The following ANKS1B variants were observed in gnomAD, a reference collection of about 807,000 sequenced individuals.
The protein encoded by ANKS1B is ankyrin repeat and sterile alpha motif domain-containing protein 1B.
Under a neutral mutation model 148.3 loss-of-function variants are expected in ANKS1B, and 36 were observed. The observed-to-expected ratio is 0.24, with a 90% CI of 0.19 to 0.32. ANKS1B has a LOEUF of 0.32. ANKS1B is among the 10% of genes least tolerant of loss of function. The pLI is 1.00. For synonymous variants in ANKS1B, 542 were observed against 560.8 expected, an observed-to-expected ratio of 0.97 and a Z score of 0.47; for missense variants, 1,157 against 1,542.6, an observed-to-expected ratio of 0.75 and a Z score of 4.19.
chr12:99,058,968 A>C (rs2041365885), intron 16 of ANKS1B, among the ~76,000 whole-genome samples: 1 of 151,156 alleles, frequency 6.6e-6, no homozygotes, highest in African/African-American at 2.4e-5. Context: ...CGATCTCCTG[A>C]CCTCGTGATC....
At chr12:99,075,235 T>C (rs1394570943) in intron 16 of ANKS1B, among the ~76,000 whole-genome samples, 1 of 152,152 alleles carries the variant, frequency 6.6e-6, no homozygotes, top group African/African-American at 2.4e-5. Context: ...TGATTTAAAG[T>C]AAGTGATGCA....
rs1427472914 is a variant in ANKS1B, at chr12:99,897,870, C to A, written c.135-72481G>T. On this transcript the variant is annotated intron_variant, in intron 1 of 26. Transcript: ENST00000683438. ...TAAAAGTTAAAAAAAAAAAAAAAAA[C>A]CCTGAAAACTACCATCCAGCAAACA... Among the ~76,000 whole-genome samples the A allele has an allele frequency of 2.0e-4, 28 of 142,690 alleles. 1 individual carries two copies. The highest frequency in any genetic ancestry group is 3.2e-4 in the Non-Finnish European group (21 of 64,784). The allele number at this position is 142,690 out of a possible 152,430, so 93.6% of individuals were successfully genotyped here.
chr12:99,759,493 A>G (rs944934432), intron 8 of ANKS1B, among the ~76,000 whole-genome samples: 1 of 152,016 alleles, frequency 6.6e-6, no homozygotes, highest in African/African-American at 2.4e-5. Context: ...CTAGTCTACT[A>G]TTCCATCAGA....
chr12:99,032,361 T>TGTCA (rs1371744033), intron 17 of ANKS1B, among the ~76,000 whole-genome samples: 3 of 152,206 alleles, frequency 2.0e-5, no homozygotes, highest in Non-Finnish European at 4.4e-5. Flanking sequence ...GAAATCAGTG[T>TGTCA]GTCAGCAGGG....
At chr12:99,593,809 G>C (rs149254936) in intron 9 of ANKS1B, among the ~76,000 whole-genome samples, 8 of 152,000 alleles carry the variant, frequency 5.3e-5, no homozygotes, top group Admixed American at 5.2e-4. Flanking sequence ...TTATTATAAG[G>C]AAACTGCCTA....
intron 12 of ANKS1B, among the ~76,000 whole-genome samples, chr12:99,292,240 C>A (rs1364436725): frequency 6.6e-6 from 1 of 151,772 alleles, no homozygotes; most frequent in African/African-American, 2.4e-5. Flanking sequence ...CGCCTGTAAT[C>A]CCAGCACTTT....
intron 17 of ANKS1B, among the ~76,000 whole-genome samples, chr12:98,948,650 T>C (rs902963152): frequency 3.9e-5 from 6 of 152,204 alleles, no homozygotes; most frequent in Middle Eastern, 3.4e-3. Context: ...TTGAGCCAGA[T>C]ACTGCTAGGT....
chr12:99,593,382 G>A (rs1259600455), intron 9 of ANKS1B, among the ~76,000 whole-genome samples: 6 of 152,010 alleles, frequency 3.9e-5, no homozygotes, highest in Admixed American at 3.9e-4. Flanking sequence ...CTGAATTTTA[G>A]TTTCCTATTG....
At chr12:98,882,280 C>T (rs2099709969) in intron 17 of ANKS1B, among the ~76,000 whole-genome samples, 1 of 152,136 alleles carries the variant, frequency 6.6e-6, no homozygotes, top group African/African-American at 2.4e-5. Flanking sequence ...CTTGAACAAT[C>T]ACCGTATTAG....
chr12:98,734,830 T>G (rs2097766981), exon 10 of ANKS1B: 1 of 210,938 alleles, frequency 4.7e-6, no homozygotes, highest in African/African-American at 2.3e-5. Context: ...TACACACTGT[T>G]AGGGGCTCAT....
chr12:99,014,643 C>T (rs2099941347), intron 17 of ANKS1B, among the ~76,000 whole-genome samples: 1 of 152,014 alleles, frequency 6.6e-6, no homozygotes, highest in Non-Finnish European at 1.5e-5. Flanking sequence ...GTCTAATATC[C>T]AGCATCTATA....
intron 17 of ANKS1B, among the ~76,000 whole-genome samples, chr12:98,869,018 A>G (rs2099639874): frequency 6.6e-6 from 1 of 152,234 alleles, no homozygotes; most frequent in African/African-American, 2.4e-5. Flanking sequence ...CCAAGGGCAC[A>G]AGATGATTGG....
chr12:99,398,121 T>G (rs1408375891), intron 12 of ANKS1B, among the ~76,000 whole-genome samples: 2 of 152,154 alleles, frequency 1.3e-5, no homozygotes, highest in African/African-American at 4.8e-5. Flanking sequence ...ATGGGAACAT[T>G]TTAAGCATGG....
chr12:99,233,932 A>C (rs538616327), intron 14 of ANKS1B, among the ~76,000 whole-genome samples: 1 of 152,264 alleles, frequency 6.6e-6, no homozygotes, highest in African/African-American at 2.4e-5. Flanking sequence ...GACATTAGAA[A>C]TGTGTAGGGG....
chr12:99,328,029 A>C (rs1194292380), intron 12 of ANKS1B, among the ~76,000 whole-genome samples: 2 of 151,996 alleles, frequency 1.3e-5, no homozygotes, highest in Non-Finnish European at 2.9e-5. Context: ...AGAACATCAT[A>C]AAGGTAAGGG....
chr12:99,268,685 G>A (rs2076706314), intron 12 of ANKS1B, among the ~76,000 whole-genome samples: 1 of 152,154 alleles, frequency 6.6e-6, no homozygotes, highest in Non-Finnish European at 1.5e-5. Flanking sequence ...TAATAGGAAA[G>A]CATAATTTCC....
intron 10 of ANKS1B, among the ~76,000 whole-genome samples, chr12:99,450,415 T>G (rs1595005221): frequency 6.6e-6 from 1 of 152,188 alleles, no homozygotes; most frequent in East Asian, 1.9e-4. Context: ...ACTTATAAAA[T>G]TAAACACAAC....
intron 17 of ANKS1B, among the ~76,000 whole-genome samples, chr12:98,952,028 C>T (rs1206513759): frequency 6.6e-6 from 1 of 152,158 alleles, no homozygotes; most frequent in Non-Finnish European, 1.5e-5. Flanking sequence ...TATTTTAATT[C>T]AGAAAAATAA....
At chr12:99,307,062 G>T (rs890577843) in intron 12 of ANKS1B, among the ~76,000 whole-genome samples, 2 of 151,970 alleles carry the variant, frequency 1.3e-5, no homozygotes, top group African/African-American at 4.8e-5. Context: ...TGCACTTAAG[G>T]TCAATTAAAA....
Sources: allele counts gnomAD v4.1 joint callset (sites outside exome capture counted in the v4.1 genomes callset), GRCh38; gene constraint gnomAD v4.1.1; transcripts MANE v1.5; gene names NCBI Gene and HGNC (gene_info 2026-07-23, HGNC 2026-07-21).